The following TNS3 variants were observed in gnomAD, a reference collection of about 807,000 sequenced individuals.
TNS3 encodes tensin-3.
In TNS3, 45 loss-of-function variants were observed where a neutral mutation model predicts 140.9. That is an observed-to-expected ratio of 0.32 (90% CI 0.25 to 0.41). TNS3 has a LOEUF of 0.41. Ranked by LOEUF, TNS3 falls within the 10% of genes least tolerant of loss-of-function variation. The probability of loss-of-function intolerance (pLI) is 1.00; values close to 1 mark genes in which losing one functional copy is unlikely to be tolerated. For synonymous variants in TNS3, 815 were observed against 788.4 expected (o/e 1.03, Z -0.56); for missense variants, 1,716 against 1,906.7 (o/e 0.90, Z 1.86).
At chr7:47,481,651 A>G (rs1797423420) in intron 3 of TNS3, 1 of 985,200 alleles carries the variant, frequency 1.0e-6, no homozygotes, top group Non-Finnish European at 1.2e-6. Context: ...GGCAATGTCA[A>G]CCTGGTTATT....
chr7:47,306,532 C>T (rs1029955304), intron 20 of TNS3, among the ~76,000 whole-genome samples: 3 of 152,196 alleles, frequency 2.0e-5, no homozygotes, highest in Admixed American at 6.5e-5. Context: ...TTAAAAATTA[C>T]TATTTTTATT....
intron 4 of TNS3, among the ~76,000 whole-genome samples, chr7:47,466,706 T>C (rs1169922675): frequency 1.3e-5 from 2 of 152,162 alleles, no homozygotes; most frequent in East Asian, 3.9e-4. Flanking sequence ...CTATGACCCA[T>C]GGTCTAACTC....
chr7:47,380,782 A>C (rs1020573955), intron 16 of TNS3, among the ~76,000 whole-genome samples: 23 of 151,984 alleles, frequency 1.5e-4, no homozygotes, highest in Admixed American at 1.0e-3. Context: ...ACACACACAC[A>C]CACACAAATG....
At chr7:47,373,879 C>T (rs1047248934) in intron 16 of TNS3, among the ~76,000 whole-genome samples, 1 of 152,198 alleles carries the variant, frequency 6.6e-6, no homozygotes, top group African/African-American at 2.4e-5. Context: ...AAACGAAGAA[C>T]AATCACCAAC....
chr7:47,320,062 G>C (rs1787642864), intron 20 of TNS3, among the ~76,000 whole-genome samples: 2 of 152,174 alleles, frequency 1.3e-5, no homozygotes, highest in Non-Finnish European at 2.9e-5. Flanking sequence ...AATATAAACA[G>C]AGACTCAGAA....
At chr7:47,468,424 G>C (rs1447411983) in intron 4 of TNS3, among the ~76,000 whole-genome samples, 1 of 151,812 alleles carries the variant, frequency 6.6e-6, no homozygotes, top group Non-Finnish European at 1.5e-5. Flanking sequence ...CTGAGCAACA[G>C]GGCAAGAATC....
chr7:47,329,539 C>T (rs1048434877), intron 20 of TNS3, among the ~76,000 whole-genome samples: 4 of 152,198 alleles, frequency 2.6e-5, no homozygotes, highest in Admixed American at 6.5e-5. Flanking sequence ...GCCACCGCTC[C>T]GCACATGGGC....
At chr7:47,406,949 G>A (rs768704077) in intron 13 of TNS3, among the ~76,000 whole-genome samples, 14 of 152,124 alleles carry the variant, frequency 9.2e-5, no homozygotes, top group South Asian at 6.2e-4. Flanking sequence ...CTGGAAGGTC[G>A]GAAGAGGCTG....
At position 47,442,886 on chromosome 7, in the gene TNS3, T is replaced by A. The variant is rs79734549; in HGVS notation, c.-75-831A>T. Among the ~76,000 whole-genome samples, 430 of 152,242 alleles carry A rather than the reference T, an allele frequency of 2.8e-3. 1 individual carries two copies. The highest frequency in any genetic ancestry group is 9.7e-3 in the African/African-American group (405 of 41,548). On this transcript the variant is annotated intron_variant, in intron 4 of 30. Transcript: ENST00000311160. ...CCATCAGAGGCATCAACACCCCCGATCACACCTGGGATCCCACTCAGGCAG... is the reference window on the plus strand; with the variant it reads ...CCATCAGAGGCATCAACACCCCCGAACACACCTGGGATCCCACTCAGGCAG...
At chr7:47,304,244 C>T (rs1243321992) in intron 21 of TNS3, among the ~76,000 whole-genome samples, 17 of 152,182 alleles carry the variant, frequency 1.1e-4, no homozygotes, top group Non-Finnish European at 2.1e-4. Context: ...CAACCACTTA[C>T]GAGTACGGAA....
intron 4 of TNS3, among the ~76,000 whole-genome samples, chr7:47,443,247 C>T (rs558022234): frequency 2.2e-4 from 34 of 152,312 alleles, no homozygotes; most frequent in Non-Finnish European, 4.0e-4. Flanking sequence ...ATGGAGCTGT[C>T]CAGGGATTCA....
At chr7:47,314,214 G>C (rs534479526) in intron 20 of TNS3, among the ~76,000 whole-genome samples, 34 of 152,326 alleles carry the variant, frequency 2.2e-4, no homozygotes, top group Non-Finnish European at 4.3e-4. Context: ...TCCAGTGACT[G>C]GGACTGCAGA....
chr7:47,526,108 T>C (rs942926327), intron 2 of TNS3, among the ~76,000 whole-genome samples: 13 of 152,264 alleles, frequency 8.5e-5, no homozygotes, highest in African/African-American at 2.9e-4. Flanking sequence ...CTCTTCTCTT[T>C]CGTTGGTTCC....
At chr7:47,409,939 G>C (rs1793673026) in intron 13 of TNS3, among the ~76,000 whole-genome samples, 1 of 152,214 alleles carries the variant, frequency 6.6e-6, no homozygotes, top group Admixed American at 6.5e-5. Context: ...TTACAGGCGT[G>C]AGCCACTGCG....
intron 20 of TNS3, among the ~76,000 whole-genome samples, chr7:47,323,926 A>G (rs1328130011): frequency 6.6e-6 from 1 of 152,236 alleles, no homozygotes; most frequent in African/African-American, 2.4e-5. Context: ...AGAAGACAGG[A>G]AGGAAAAAAT....
At chr7:47,351,154 T>G (rs923056542) in intron 17 of TNS3, among the ~76,000 whole-genome samples, 8 of 152,244 alleles carry the variant, frequency 5.3e-5, no homozygotes, top group African/African-American at 1.9e-4. Context: ...TACTCTGTGC[T>G]GCTGTACTGA....
In TNS3 at chr7:47,304,945, G is replaced by C; in HGVS notation, c.2709C>G (p.Ile903Met). The C allele has an allele frequency of 7.0e-7, 1 of 1,425,276 alleles. No individual in the cohort carries two copies. Among genetic ancestry groups the C allele is most frequent in the Non-Finnish European group, 9.3e-7 (1 of 1,075,270 alleles). 88.3% of individuals were successfully genotyped at this position (1,425,276 alleles called of 1,614,324 possible). ...THAVGMSESP[I>M]GPKSTMLRAD... is the part of the protein sequence containing the mutation. ...CCCGGAGCATCGTGGATTTGGGTCC[G>C]ATGGGGCTCTCTGACATCCCCACAG... is the stretch of plus-strand genomic sequence containing the variant. The change falls in exon 21 of 31, where the codon ATC (isoleucine) becomes ATG (methionine). Residue 903 changes from isoleucine to methionine, a missense_variant. By Grantham distance (10) the Ile-to-Met change is conservative. Transcript: ENST00000311160.
intron 1 of TNS3, among the ~76,000 whole-genome samples, chr7:47,542,310 GT>G (rs780887218): frequency 3.5e-4 from 53 of 152,212 alleles, no homozygotes; most frequent in Admixed American, 1.4e-3. Context: ...ACCACTGGGT[GT>G]TTCTGCAGAG....
chr7:47,468,334 G>A (rs749304673), intron 4 of TNS3, among the ~76,000 whole-genome samples: 11 of 152,120 alleles, frequency 7.2e-5, no homozygotes, highest in South Asian at 2.1e-4. Flanking sequence ...GCAGCTACTC[G>A]GGAGGCTGAG....
Sources: allele counts gnomAD v4.1 joint callset (sites outside exome capture counted in the v4.1 genomes callset), GRCh38; gene constraint gnomAD v4.1.1; transcripts MANE v1.5; gene names NCBI Gene and HGNC (gene_info 2026-07-23, HGNC 2026-07-21).